The following KCNK2 variants were observed in gnomAD, a reference collection of about 807,000 sequenced individuals.
KCNK2 encodes the protein potassium two pore domain channel subfamily K member 2.
A neutral mutation model predicts 40.5 loss-of-function variants in KCNK2; 21 were observed. That is an observed-to-expected ratio of 0.52 (90% CI 0.37 to 0.75). KCNK2 has a LOEUF of 0.75. Ranked by LOEUF, KCNK2 falls within the 30% of genes least tolerant of loss-of-function variation. The pLI is 0.00. For missense variants in KCNK2, 399 were observed against 531.6 expected (o/e 0.75, Z 2.45); for synonymous variants, 191 against 202.2 (o/e 0.94, Z 0.47).
chr1:215,217,408 A>G lies in KCNK2; in HGVS notation c.964-17420A>G, dbSNP rs73080097. On this transcript the variant is annotated intron_variant, in intron 6 of 6. Transcript: ENST00000444842. Reference sequence around the variant, plus strand: ...ATATGATAAAGATATTATTAAACCAATGGAGCATGTGTTTAGATATACATG... The same window carrying G: ...ATATGATAAAGATATTATTAAACCAGTGGAGCATGTGTTTAGATATACATG... 5.0e-3 allele frequency among the ~76,000 whole-genome samples: 755 copies of G among 152,336 alleles called. 4 individuals are homozygous for G. Among genetic ancestry groups the G allele is most frequent in the African/African-American group, 0.018 (739 of 41,586 alleles).
At chr1:215,177,865 T>C (rs2102645365) in intron 5 of KCNK2, among the ~76,000 whole-genome samples, 1 of 151,070 alleles carries the variant, frequency 6.6e-6, no homozygotes, top group East Asian at 1.9e-4. Context: ...TTCAGGCTCC[T>C]TTTTGATTCT....
chr1:215,232,347 G>C (rs2102714540), intron 6 of KCNK2, among the ~76,000 whole-genome samples: 1 of 152,296 alleles, frequency 6.6e-6, no homozygotes, highest in East Asian at 1.9e-4. Context: ...AAAACAATGT[G>C]TGTACTATAA....
chr1:215,007,037 A>ATATATGTGTGTGTG lies in KCNK2; in HGVS notation c.34+1083_34+1084insATATGTGTGTGTGT, dbSNP rs1330420661. ...TATATATATATATATATATATATAT[A>ATATATGTGTGTGTG]TGTGTGTGTGTGTATATATATATGT... On this transcript the variant is annotated intron_variant, in intron 1 of 6. Coordinates refer to the KCNK2 transcript ENST00000391895. Among the ~76,000 whole-genome samples, 11 of 51,582 alleles carry ATATATGTGTGTGTG rather than the reference A, an allele frequency of 2.1e-4. No homozygotes were observed. In the East Asian group the frequency reaches 3.5e-3, roughly 16 times the overall value. The allele number at this position is 51,582 out of a possible 152,430, so 33.8% of individuals were successfully genotyped here. A position where few individuals can be genotyped will look rare whatever the true frequency, so the allele number is the denominator to read the frequency against.
intron 1 of KCNK2, 171 bp downstream of exon 1, chr1:215,083,602 T>C: frequency 1.6e-6 from 1 of 621,848 alleles, no homozygotes; most frequent in Non-Finnish European, 2.9e-6. Context: ...CCTTGCCAGA[T>C]CCTCTCCACG....
intron 2 of KCNK2, among the ~76,000 whole-genome samples, chr1:215,114,506 C>A (rs1006248140): frequency 1.3e-5 from 2 of 152,088 alleles, no homozygotes; most frequent in African/African-American, 4.8e-5. Context: ...AAATAGAGTT[C>A]AACCAATTCA....
chr1:215,207,151 A>G (rs373259486), intron 6 of KCNK2, among the ~76,000 whole-genome samples: 1 of 152,134 alleles, frequency 6.6e-6, no homozygotes, highest in Non-Finnish European at 1.5e-5. Flanking sequence ...GGGGTCCCCA[A>G]CCCCTGGGCT....
chr1:215,175,393 G>C (rs192119742), intron 5 of KCNK2, among the ~76,000 whole-genome samples: 16 of 151,954 alleles, frequency 1.1e-4, no homozygotes, highest in Admixed American at 9.8e-4. Context: ...ATAATCACTG[G>C]TTGTTCAGAA....
chr1:215,200,264 T>C (rs11580781), intron 6 of KCNK2, among the ~76,000 whole-genome samples: 4,894 of 152,256 alleles, frequency 0.032, 109 homozygotes, highest in Admixed American at 0.054. Flanking sequence ...GGCCTGAGAA[T>C]GTGAAAGAAC....
Position 215,086,658 on chromosome 1 carries a change from G to A in KCNK2, c.337G>A (p.Glu113Lys), listed in dbSNP as rs760890080. The A allele has an allele frequency of 1.4e-5, 23 of 1,613,734 alleles. No homozygotes were observed. The highest frequency in any genetic ancestry group is 1.9e-5 in the Non-Finnish European group (22 of 1,179,788). Residue 113 changes from glutamate (E) to lysine (K), a missense_variant, in exon 2 of 7, where the codon GAG becomes AAG. Physicochemically the swap from Glu to Lys is moderately conservative, Grantham distance 56. This residue lies in a region of KCNK2 where 279 missense variants were observed against 353.8 expected (regional missense o/e 0.79). Transcript: ENST00000444842. The stretch of plus-strand genomic sequence containing the variant: ...CCAACATTCCTGTGTCAATTCGACG[G>A]AGCTGGATGAACTCATTCAGGTAAT... ...ISQHSCVNST[E>K]LDELIQQIVA...
chr1:215,209,470 T>C (rs1410523785), intron 6 of KCNK2, among the ~76,000 whole-genome samples: 1 of 1,930 alleles, frequency 5.2e-4, no homozygotes, highest in African/African-American at 8.3e-4. Context: ...TTATATATAA[T>C]ATATATTATA....
chr1:215,058,510 T>A (rs1021218120), intron 1 of KCNK2, among the ~76,000 whole-genome samples: 6 of 152,220 alleles, frequency 3.9e-5, no homozygotes, highest in Non-Finnish European at 7.3e-5. Flanking sequence ...ATCCACTACC[T>A]GTTTCTACTA....
At chr1:215,083,763 C>A (rs1455462288) in intron 1 of KCNK2, 2 of 422,182 alleles carry the variant, frequency 4.7e-6, no homozygotes, top group Non-Finnish European at 8.7e-6. Context: ...CCCGGTCACA[C>A]TTGTTGCCCA....
intron 6 of KCNK2, 71 bp downstream of exon 6, chr1:215,195,163 A>T: frequency 1.7e-6 from 2 of 1,199,176 alleles, no homozygotes; most frequent in Non-Finnish European, 2.3e-6. Flanking sequence ...AATTATTTTT[A>T]TGTTTACATT....
chr1:215,217,193 T>C (rs1398190310), intron 6 of KCNK2, among the ~76,000 whole-genome samples: 1 of 152,172 alleles, frequency 6.6e-6, no homozygotes, highest in East Asian at 1.9e-4. Flanking sequence ...CATCAGTGGA[T>C]TGTCAATTAT....
At chr1:215,046,899 T>G (rs944904473) in intron 1 of KCNK2, among the ~76,000 whole-genome samples, 10 of 152,110 alleles carry the variant, frequency 6.6e-5, no homozygotes, top group African/African-American at 2.4e-4. Context: ...AAAGAGAAAC[T>G]GATATTTATG....
chr1:215,009,802 G>A (rs1375551761), intron 1 of KCNK2, among the ~76,000 whole-genome samples: 1 of 152,110 alleles, frequency 6.6e-6, no homozygotes, highest in African/African-American at 2.4e-5. Context: ...TAGGTGTGCA[G>A]AAAAACCTGA....
chr1:215,086,745 A>G, intron 2 of KCNK2, 67 bp downstream of exon 2: 1 of 1,426,888 alleles, frequency 7.0e-7, no homozygotes, highest in Non-Finnish European at 9.7e-7. Flanking sequence ...GGAGGAGACA[A>G]CTTGTAGCCC....
intron 3 of KCNK2, among the ~76,000 whole-genome samples, chr1:215,140,472 C>T (rs1662126606): frequency 1.3e-5 from 2 of 152,192 alleles, no homozygotes; most frequent in Admixed American, 6.5e-5. Flanking sequence ...TAGATGTACA[C>T]ACCTAGGCTA....
chr1:215,071,488 G>T (rs543314259), intron 1 of KCNK2, among the ~76,000 whole-genome samples: 1 of 152,224 alleles, frequency 6.6e-6, no homozygotes, highest in African/African-American at 2.4e-5. Flanking sequence ...CATCTGTTAT[G>T]CTCCAGTAGC....
Sources: allele counts gnomAD v4.1 joint callset (sites outside exome capture counted in the v4.1 genomes callset), GRCh38; gene constraint gnomAD v4.1.1; regional missense constraint gnomAD v4.1.1; transcripts MANE v1.5; gene names NCBI Gene and HGNC (gene_info 2026-07-23, HGNC 2026-07-21).